LARGE1: variants seen among roughly 807,000 people sequenced by gnomAD.
LARGE1 encodes the protein xylosyl- and glucuronyltransferase LARGE1.
In LARGE1, 43 loss-of-function variants were observed where a neutral mutation model predicts 87.6. The observed-to-expected ratio is 0.49, with a 90% confidence interval of 0.38 to 0.63. The LOEUF is 0.63. Ranked by LOEUF, LARGE1 falls within the 30% of genes least tolerant of loss-of-function variation. The pLI, the probability that LARGE1 is intolerant of heterozygous loss-of-function variation, is 0.00. For synonymous variants in LARGE1, 434 were observed against 394.6 expected, an observed-to-expected ratio of 1.10 and a Z score of -1.18; for missense variants, 802 against 1,000.2, an observed-to-expected ratio of 0.80 and a Z score of 2.67.
chr22:33,102,363 A>C, the LARGE1 span, among the ~76,000 whole-genome samples: 8 of 151,410 alleles, frequency 5.3e-5, no homozygotes, highest in African/African-American at 1.9e-4. Flanking sequence ...AGTAGAGAAG[A>C]GGTTTCACCA....
intron 9 of LARGE1, among the ~76,000 whole-genome samples, chr22:33,342,143 A>C (rs1354195654): frequency 6.6e-6 from 1 of 152,176 alleles, no homozygotes; most frequent in African/African-American, 2.4e-5. Context: ...CCATGCATTA[A>C]AATAATTGCA....
chr22:33,500,107 A>T (rs2070357511), intron 6 of LARGE1, among the ~76,000 whole-genome samples: 1 of 152,228 alleles, frequency 6.6e-6, no homozygotes, highest in African/African-American at 2.4e-5. Flanking sequence ...TAAAGATACC[A>T]TGTATACATT....
At chr22:33,302,088 G>C (rs990511570) in intron 12 of LARGE1, among the ~76,000 whole-genome samples, 2 of 152,196 alleles carry the variant, frequency 1.3e-5, no homozygotes, top group African/African-American at 4.8e-5. Flanking sequence ...TCTTAGTCTA[G>C]GGTGGCACTC....
intron 1 of LARGE1, among the ~76,000 whole-genome samples, chr22:33,884,442 T>C (rs1048623719): frequency 3.9e-5 from 6 of 152,218 alleles, no homozygotes; most frequent in South Asian, 2.1e-4. Context: ...ACTTCTCTTC[T>C]GAGGCCCCCA....
chr22:33,309,724 T>G (rs923124428), intron 11 of LARGE1, among the ~76,000 whole-genome samples: 4 of 152,114 alleles, frequency 2.6e-5, no homozygotes, highest in African/African-American at 9.7e-5. Context: ...GGGGGAAAGC[T>G]CTCCAAGAAG....
intron 1 of LARGE1, among the ~76,000 whole-genome samples, chr22:33,878,797 G>A (rs1350025374): frequency 6.6e-6 from 1 of 152,134 alleles, no homozygotes; most frequent in Non-Finnish European, 1.5e-5. Context: ...TCAATTACTT[G>A]TCACTGGGAT....
At chr22:33,481,272 C>T (rs2069314960) in intron 6 of LARGE1, among the ~76,000 whole-genome samples, 1 of 149,518 alleles carries the variant, frequency 6.7e-6, no homozygotes, top group African/African-American at 2.5e-5. Context: ...TTTTTTTAAG[C>T]ACTGCCAGTG....
intron 1 of LARGE1, among the ~76,000 whole-genome samples, chr22:33,842,891 A>G (rs895383957): frequency 1.3e-5 from 2 of 150,630 alleles, no homozygotes; most frequent in African/African-American, 4.9e-5. Flanking sequence ...TCTCTCACTC[A>G]CATTTCCCAT....
chr22:33,737,135 T>C (rs971155495), intron 2 of LARGE1, among the ~76,000 whole-genome samples: 1 of 152,214 alleles, frequency 6.6e-6, no homozygotes, highest in African/African-American at 2.4e-5. Context: ...GAAATGACCC[T>C]GCGTCATTTG....
intron 3 of LARGE1, among the ~76,000 whole-genome samples, chr22:33,640,980 T>C (rs1014981975): frequency 1.4e-4 from 21 of 152,310 alleles, no homozygotes; most frequent in African/African-American, 3.8e-4. Flanking sequence ...AAGGTGGCTG[T>C]GGGCACAGCT....
At chr22:33,467,055 GTTCT>G (rs1360054390) in intron 6 of LARGE1, among the ~76,000 whole-genome samples, 1 of 152,048 alleles carries the variant, frequency 6.6e-6, no homozygotes, top group Non-Finnish European at 1.5e-5. Context: ...AAAAGAGTCT[GTTCT>G]CTCATGTTGA....
intron 4 of LARGE1, among the ~76,000 whole-genome samples, chr22:33,611,200 C>A (rs1317076209): frequency 1.3e-5 from 2 of 152,130 alleles, no homozygotes; most frequent in Non-Finnish European, 2.9e-5. Flanking sequence ...GGGAAGGGGG[C>A]CACTATCGTC....
At chr22:33,809,893 C>A (rs1041084634) in intron 1 of LARGE1, among the ~76,000 whole-genome samples, 251 of 149,748 alleles carry the variant, frequency 1.7e-3, no homozygotes, top group Admixed American at 6.3e-3. Flanking sequence ...AAAAAAAAAA[C>A]AAAAAAACTT....
intron 2 of LARGE1, among the ~76,000 whole-genome samples, chr22:33,719,945 T>C (rs1028287745): frequency 4.6e-5 from 7 of 152,140 alleles, no homozygotes; most frequent in African/African-American, 9.7e-5. Context: ...CTAGAGGCAA[T>C]AGGCTATACC....
chr22:33,818,288 T>C (rs998751183), intron 1 of LARGE1, among the ~76,000 whole-genome samples: 2 of 152,174 alleles, frequency 1.3e-5, no homozygotes, highest in Non-Finnish European at 2.9e-5. Context: ...TTGCTTATAG[T>C]TTGTTTGTAG....
intron 9 of LARGE1, among the ~76,000 whole-genome samples, chr22:33,368,537 A>AG (rs2064681442): frequency 9.0e-6 from 1 of 111,068 alleles, no homozygotes; most frequent in African/African-American, 8.0e-5. Context: ...CTTTCTCAAA[A>AG]AAAAAAAAAA....
chr22:33,690,007 A>C (rs951245744), intron 2 of LARGE1, among the ~76,000 whole-genome samples: 14 of 152,152 alleles, frequency 9.2e-5, no homozygotes, highest in Non-Finnish European at 2.9e-5. Flanking sequence ...ATTACACATT[A>C]CAGAGCTTTC....
intron 10 of LARGE1, among the ~76,000 whole-genome samples, chr22:33,327,587 G>A (rs988838923): frequency 6.6e-6 from 1 of 152,206 alleles, no homozygotes; most frequent in Non-Finnish European, 1.5e-5. Flanking sequence ...ACGGGGTCTT[G>A]CTCTGTCGCT....
At chr22:33,785,295 G>GTA (rs913748758) in intron 1 of LARGE1, among the ~76,000 whole-genome samples, 3 of 151,460 alleles carry the variant, frequency 2.0e-5, no homozygotes, top group Admixed American at 6.6e-5. Context: ...GTATATATGT[G>GTA]TATATATATA....
Sources: allele counts gnomAD v4.1 joint callset (sites outside exome capture counted in the v4.1 genomes callset), GRCh38; gene constraint gnomAD v4.1.1; transcripts MANE v1.5; gene names NCBI Gene and HGNC (gene_info 2026-07-23, HGNC 2026-07-21).